COL4A2: variants seen among roughly 807,000 people sequenced by gnomAD.
COL4A2 encodes collagen alpha-2(IV) chain.
Under a neutral mutation model 200.2 loss-of-function variants are expected in COL4A2, and 99 were observed. The ratio of observed to expected loss-of-function variants is 0.49; its 90% CI spans 0.42 to 0.58. COL4A2 has a LOEUF of 0.58. Among genes scored for constraint, COL4A2 ranks in the 20% least tolerant of loss-of-function variants. The pLI is 0.00. For missense variants in COL4A2, 1,950 were observed against 2,314.1 expected (o/e 0.84, Z 3.23); for synonymous variants, 897 against 900.6 (o/e 1.00, Z 0.07).
chr13:110,503,081 C>T lies in COL4A2; in HGVS notation c.3878-40C>T, dbSNP rs401316. 1 allele frequency: 1,596,457 copies of T among 1,596,462 alleles called. 798,226 individuals are homozygous for T. Among genetic ancestry groups the T allele is most frequent in the Middle Eastern group, 1 (6,000 of 6,000 alleles). ...CTGACTGCCCCCAGGGGCCTTGGGG[C>T]CCTGTTTAAACCCTCCTTTCTTGTC... On this transcript the variant is annotated intron_variant, in intron 41 of 47. Coordinates refer to ENST00000360467, the MANE Select transcript of COL4A2 (RefSeq NM_001846.4).
intron 32 of COL4A2, 70 bp downstream of exon 32, chr13:110,482,729 T>A: frequency 6.6e-7 from 1 of 1,513,206 alleles, no homozygotes; most frequent in Non-Finnish European, 9.1e-7. Flanking sequence ...CTTGGTGGCA[T>A]AACATTGCCC....
At chr13:110,487,641 C>A (rs1057455276) in intron 34 of COL4A2, among the ~76,000 whole-genome samples, 1 of 152,226 alleles carries the variant, frequency 6.6e-6, no homozygotes, top group African/African-American at 2.4e-5. Context: ...TCTCCATACA[C>A]AGCAATAAAT....
At chr13:110,363,233 C>T (rs1877592705) in intron 4 of COL4A2, among the ~76,000 whole-genome samples, 1 of 152,186 alleles carries the variant, frequency 6.6e-6, no homozygotes, top group Admixed American at 6.5e-5. Context: ...CTGGCAGCTG[C>T]AGCTGAGAGC....
intron 20 of COL4A2, among the ~76,000 whole-genome samples, chr13:110,453,554 A>G (rs1881618746): frequency 6.6e-6 from 1 of 152,240 alleles, no homozygotes; most frequent in African/African-American, 2.4e-5. Context: ...ATCAAAGGCT[A>G]ACGTTGCCAT....
chr13:110,511,989 G>A lies in COL4A2; in HGVS notation c.4937G>A (p.Cys1646Tyr), dbSNP rs1884098435. Residue 1646 changes from cysteine (C) to tyrosine (Y), a missense_variant, in exon 48 of 48, where the codon TGT becomes TAT. Cys to Tyr is a radical substitution (Grantham distance 194, BLOSUM62 -2). This residue lies in a region of COL4A2 where 1,385 missense variants were observed against 1,720.5 expected (regional missense o/e 0.80). Transcript: ENST00000360467. ...GGQSLVSPGSCLEDFRATPFI... is the reference protein window; with the variant it reads ...GGQSLVSPGSYLEDFRATPFI... ...CAATCACTGGTGTCACCGGGCAGCT[G>A]TCTAGAGGACTTCCGCGCCACACCA... 1 of 1,613,478 alleles carries A rather than the reference G, an allele frequency of 6.2e-7. No homozygotes were observed. Among genetic ancestry groups the A allele is most frequent in the Non-Finnish European group, 8.5e-7 (1 of 1,180,056 alleles).
chr13:110,426,551 G>A (rs1287435919), intron 6 of COL4A2, among the ~76,000 whole-genome samples: 2 of 152,210 alleles, frequency 1.3e-5, no homozygotes, highest in African/African-American at 4.8e-5. Flanking sequence ...TAGCTGATTA[G>A]AAGTTATATA....
intron 3 of COL4A2, among the ~76,000 whole-genome samples, chr13:110,309,996 AAAAC>A (rs896113406): frequency 6.6e-6 from 1 of 152,026 alleles, no homozygotes; most frequent in Non-Finnish European, 1.5e-5. Flanking sequence ...GTCTAAAAAC[AAAAC>A]AAACAAACAA....
Position 110,430,022 on chromosome 13 carries a change from A to G in COL4A2, c.549+66A>G, listed in dbSNP as rs138498313. ...GTGTAAATTCTCAACTAACAAAGTT[A>G]ATTGCCAAGTGAACTTTGCATGTAA... On this transcript the variant is annotated intron_variant, in intron 8 of 47. Transcript: ENST00000360467. The G allele has an allele frequency of 3.5e-4, 503 of 1,457,516 alleles. 2 individuals are homozygous for G. In the East Asian group the frequency reaches 0.012, roughly 34 times the overall value. The allele number at this position is 1,457,516 out of a possible 1,614,324, so 90.3% of individuals were successfully genotyped here.
intron 4 of COL4A2, among the ~76,000 whole-genome samples, chr13:110,358,113 T>A (rs1337080044): frequency 1.3e-5 from 2 of 152,262 alleles, no homozygotes; most frequent in Non-Finnish European, 2.9e-5. Flanking sequence ...GTTTTTGCAA[T>A]AACACTTAGC....
chr13:110,467,643 G>C (rs1464397163), intron 27 of COL4A2, among the ~76,000 whole-genome samples: 1 of 152,248 alleles, frequency 6.6e-6, no homozygotes. Context: ...AAGGCCGCCT[G>C]CGTGTCCAGT....
rs372580013 is a variant in COL4A2, at chr13:110,453,018, G to A, written c.1339+2564G>A. Among the ~76,000 whole-genome samples the A allele has an allele frequency of 5.3e-5, 8 of 152,008 alleles. No homozygotes were observed. The East Asian group carries it at 1.4e-3, about 26-fold the overall frequency. ...TGAGCTCAGGTGATCTGCCCACCTC[G>A]GCCTCCCAGAGTGCTGGGATTACAG... On this transcript the variant is annotated intron_variant, in intron 20 of 47. Coordinates refer to ENST00000360467, the MANE Select transcript of COL4A2 (RefSeq NM_001846.4).
At chr13:110,493,056 AAAT>A (rs1883338450) in intron 38 of COL4A2, among the ~76,000 whole-genome samples, 152 bp from the exon 39 acceptor site, 1 of 50,186 alleles carries the variant, frequency 2.0e-5, no homozygotes, top group Non-Finnish European at 4.9e-5. Context: ...CCCACAGGTG[AAAT>A]AACGATGAGT....
In COL4A2 at chr13:110,436,292, C is replaced by T. The variant is rs375562761; in HGVS notation, c.750C>T (p.Pro250=). The part of the protein sequence containing the change: ...GEKGDVGQPG[P]NGIPSDTLHP... ...AGGGTGACGTAGGGCAGCCGGGACC[C>T]AACGGGATTCCATCAGACACCCTCC... Residue 250 remains proline, a synonymous_variant, in exon 13 of 48, where the codon CCC becomes CCT. Coordinates refer to ENST00000360467, the MANE Select transcript of COL4A2 (RefSeq NM_001846.4). 1.1e-4 allele frequency: 182 copies of T among 1,613,840 alleles called. No homozygotes were observed. Among genetic ancestry groups the T allele is most frequent in the Non-Finnish European group, 1.5e-4 (179 of 1,180,014 alleles).
At chr13:110,318,869 A>G (rs528996310) in intron 3 of COL4A2, among the ~76,000 whole-genome samples, 1 of 152,198 alleles carries the variant, frequency 6.6e-6, no homozygotes, top group African/African-American at 2.4e-5. Context: ...CAAGTTAACT[A>G]GAGTTATTGT....
chr13:110,334,861 A>G (rs1876102292), intron 3 of COL4A2, among the ~76,000 whole-genome samples: 1 of 152,258 alleles, frequency 6.6e-6, no homozygotes, highest in Non-Finnish European at 1.5e-5. Context: ...AGAAAAGACC[A>G]GGGAAAATGC....
chr13:110,507,757 C>A, intron 46 of COL4A2, 178 bp from the exon 47 acceptor site: 1 of 632,898 alleles, frequency 1.6e-6, no homozygotes. Context: ...GGAGTCTGAT[C>A]AAAAAGAGAA....
chr13:110,325,640 G>A (rs1418171717), intron 3 of COL4A2, among the ~76,000 whole-genome samples: 6 of 152,148 alleles, frequency 3.9e-5, no homozygotes, highest in Admixed American at 2.0e-4. Context: ...TCCCCGTGTC[G>A]CTTCAGCCTT....
At chr13:110,502,328 CTTGTTTT>C (rs1217865061) in intron 41 of COL4A2, among the ~76,000 whole-genome samples, 1 of 152,110 alleles carries the variant, frequency 6.6e-6, no homozygotes, top group Non-Finnish European at 1.5e-5. Context: ...GGGTTGTTTT[CTTGTTTT>C]TTGTTTTTTG....
At chr13:110,355,072 A>C (rs1479105172) in intron 3 of COL4A2, among the ~76,000 whole-genome samples, 1 of 152,262 alleles carries the variant, frequency 6.6e-6, no homozygotes, top group African/African-American at 2.4e-5. Context: ...AGGCTGTGGT[A>C]AAATACAATT....
Sources: allele counts gnomAD v4.1 joint callset (sites outside exome capture counted in the v4.1 genomes callset), GRCh38; gene constraint gnomAD v4.1.1; regional missense constraint gnomAD v4.1.1; transcripts MANE v1.5; gene names NCBI Gene and HGNC (gene_info 2026-07-23, HGNC 2026-07-21).